PCDH11X: variants seen among roughly 807,000 people sequenced by gnomAD.
The protein encoded by PCDH11X is protocadherin 11 X-linked, also known as protocadherin-11 X-linked.
In PCDH11X, 18 loss-of-function variants were observed where a neutral mutation model predicts 53.3. That is an observed-to-expected ratio of 0.34 (90% CI 0.23 to 0.50). The LOEUF is 0.50. PCDH11X is among the 20% of genes least tolerant of loss of function. The pLI is 0.98. For synonymous variants in PCDH11X, 279 were observed against 393.3 expected (o/e 0.71, Z 3.44); for missense variants, 570 against 1,032.4 (o/e 0.55, Z 6.14).
chrX:92,320,270 C>T (rs750786460), intron 8 of PCDH11X, among the ~76,000 whole-genome samples: 8 of 111,273 alleles, frequency 7.2e-5, no homozygotes, highest in Admixed American at 3.8e-4. Flanking sequence ...GCTCACATGC[C>T]TCTGAGTTTT....
intron 7 of PCDH11X, among the ~76,000 whole-genome samples, chrX:92,209,561 G>A (rs1258196681): frequency 9.8e-5 from 11 of 112,335 alleles, no homozygotes; most frequent in Non-Finnish European, 1.9e-5. Context: ...GCTTTGCAGC[G>A]TACAGCCTTT....
intron 6 of PCDH11X, among the ~76,000 whole-genome samples, chrX:91,895,695 A>G (rs1261248891): frequency 2.8e-5 from 3 of 108,472 alleles, no homozygotes; most frequent in African/African-American, 1.0e-4. Flanking sequence ...ATATTTATGT[A>G]AGTTTGATTT....
At chrX:92,380,934 G>A (rs867732003) in intron 8 of PCDH11X, among the ~76,000 whole-genome samples, 13 of 97,667 alleles carry the variant, frequency 1.3e-4, no homozygotes, top group Non-Finnish European at 2.0e-4. Context: ...GTGTATGTGC[G>A]TGTGGAGTAT....
At chrX:91,822,953 G>A (rs1252665648) in intron 4 of PCDH11X, among the ~76,000 whole-genome samples, 2 of 110,398 alleles carry the variant, frequency 1.8e-5, no homozygotes, top group African/African-American at 6.6e-5. Flanking sequence ...TTCAGGAGCA[G>A]GTTGTTCAGT....
chrX:92,029,464 A>G (rs2063013879), intron 6 of PCDH11X, among the ~76,000 whole-genome samples: 1 of 111,975 alleles, frequency 8.9e-6, no homozygotes, highest in African/African-American at 3.2e-5. Flanking sequence ...ATGTGACATC[A>G]TCAGAAGTTG....
chrX:92,417,378 C>T (rs968888088), intron 9 of PCDH11X, among the ~76,000 whole-genome samples: 8 of 109,311 alleles, frequency 7.3e-5, no homozygotes, highest in African/African-American at 1.3e-4. Flanking sequence ...TTTTTATAAA[C>T]ACAGTCAGTA....
At position 91,918,897 on chromosome X, in the gene PCDH11X, G is replaced by A. The variant is rs567093311; in HGVS notation, c.3033+39624G>A. ...AATATGAAGAATTGTCCACAGAATA[G>A]CATTTAGGATGGTGTAGACTTAAGA... On this transcript the variant is annotated intron_variant, in intron 6 of 10. Transcript: ENST00000682573. Among the ~76,000 whole-genome samples, 25 of 111,147 alleles carry A rather than the reference G, an allele frequency of 2.2e-4. No individual in the cohort carries two copies. In the South Asian group the frequency reaches 7.9e-3, roughly 35 times the overall value.
At chrX:92,021,534 C>A (rs1243629787) in intron 6 of PCDH11X, among the ~76,000 whole-genome samples, 1 of 108,551 alleles carries the variant, frequency 9.2e-6, no homozygotes, top group East Asian at 2.9e-4. Flanking sequence ...AAACACCAAA[C>A]CTACGATTGA....
chrX:92,542,735 A>G (rs929085701), intron 10 of PCDH11X, among the ~76,000 whole-genome samples: 157 of 111,376 alleles, frequency 1.4e-3, no homozygotes, highest in Non-Finnish European at 1.7e-3. Context: ...TTTAAAAAAG[A>G]TTGTCATTTA....
At chrX:92,173,505 A>G (rs943759692) in intron 6 of PCDH11X, among the ~76,000 whole-genome samples, 3 of 110,531 alleles carry the variant, frequency 2.7e-5, no homozygotes, top group African/African-American at 9.9e-5. Context: ...CCTTGAAAAT[A>G]AGGAGTCAGT....
intron 6 of PCDH11X, among the ~76,000 whole-genome samples, chrX:92,187,772 C>T (rs1428472149): frequency 9.0e-6 from 1 of 111,627 alleles, no homozygotes; most frequent in Non-Finnish European, 1.9e-5. Context: ...ATTATTTGTA[C>T]CCTGGAATGA....
At chrX:92,214,591 T>C (rs988301460) in intron 7 of PCDH11X, among the ~76,000 whole-genome samples, 2 of 111,939 alleles carry the variant, frequency 1.8e-5, no homozygotes, top group Non-Finnish European at 3.8e-5. Context: ...AGGTAATCAA[T>C]TCCGTTTTTT....
chrX:92,045,770 A>T (rs1602746795), intron 6 of PCDH11X, among the ~76,000 whole-genome samples: 1 of 107,444 alleles, frequency 9.3e-6, no homozygotes, highest in South Asian at 4.3e-4. Context: ...TGAAACCCCG[A>T]CTCTACTAAA....
rs189671646 is a variant in PCDH11X, at chrX:92,509,981, A to G, written c.3367+41659A>G. Among the ~76,000 whole-genome samples, 307 of 110,225 alleles carry G rather than the reference A, an allele frequency of 2.8e-3. 1 individual carries two copies. Among genetic ancestry groups the G allele is most frequent in the African/African-American group, 9.6e-3 (293 of 30,596 alleles). On this transcript the variant is annotated intron_variant, in intron 10 of 10. Transcript: ENST00000682573. ...ATTTATAATAAACAATTGGAGTGAG[A>G]ATCTAGCTTGAAAATTATAGAATAT...
chrX:92,290,405 G>A (rs1414344645), intron 8 of PCDH11X, among the ~76,000 whole-genome samples: 3 of 111,447 alleles, frequency 2.7e-5, no homozygotes, highest in African/African-American at 9.8e-5. Flanking sequence ...TGGCTCCACA[G>A]AATGTGTTTT....
At chrX:92,191,296 A>G (rs898582912) in intron 6 of PCDH11X, among the ~76,000 whole-genome samples, 3 of 111,681 alleles carry the variant, frequency 2.7e-5, no homozygotes, top group African/African-American at 9.7e-5. Context: ...GCTTTTCCTA[A>G]TTATATTTGT....
At chrX:91,829,592 C>T (rs1258618534) in intron 4 of PCDH11X, among the ~76,000 whole-genome samples, 3 of 110,614 alleles carry the variant, frequency 2.7e-5, no homozygotes, top group Non-Finnish European at 3.8e-5. Context: ...ATTTCACCCA[C>T]GAATAATAGA....
At chrX:92,143,858 C>T (rs1478430159) in intron 6 of PCDH11X, among the ~76,000 whole-genome samples, 3 of 111,334 alleles carry the variant, frequency 2.7e-5, no homozygotes, top group South Asian at 3.8e-4. Context: ...AATGCCAGTC[C>T]GTGAAAGCAG....
At chrX:92,070,160 G>T (rs1317260696) in intron 6 of PCDH11X, among the ~76,000 whole-genome samples, 1 of 111,481 alleles carries the variant, frequency 9.0e-6, no homozygotes, top group Admixed American at 9.5e-5. Flanking sequence ...ATTTTTGATT[G>T]GTTCATAATT....
Sources: allele counts gnomAD v4.1 joint callset (sites outside exome capture counted in the v4.1 genomes callset), GRCh38; gene constraint gnomAD v4.1.1; transcripts MANE v1.5; gene names NCBI Gene and HGNC (gene_info 2026-07-23, HGNC 2026-07-21).